ELP2: variants seen among roughly 807,000 people sequenced by gnomAD.
ELP2 encodes elongator complex protein 2.
In ELP2, 90 loss-of-function variants were observed where a neutral mutation model predicts 119.2. That is an observed-to-expected ratio of 0.75 (90% CI 0.64 to 0.90). The LOEUF is 0.90. Ranked by LOEUF, ELP2 falls within the 40% of genes least tolerant of loss-of-function variation. The pLI, the probability that ELP2 is intolerant of heterozygous loss-of-function variation, is 0.00. For missense variants in ELP2, 921 were observed against 967.8 expected, an observed-to-expected ratio of 0.95 and a Z score of 0.64; for synonymous variants, 339 against 331.0, an observed-to-expected ratio of 1.02 and a Z score of -0.26.
At chr18:36,132,832 T>G (rs2089682000) in intron 1 of ELP2, among the ~76,000 whole-genome samples, 1 of 152,132 alleles carries the variant, frequency 6.6e-6, no homozygotes, top group African/African-American at 2.4e-5. Context: ...TTTTTTTTCT[T>G]TTGGTCAGAG....
intron 11 of ELP2, among the ~76,000 whole-genome samples, chr18:36,153,105 T>G (rs1404765460): frequency 6.6e-6 from 1 of 152,238 alleles, no homozygotes; most frequent in Non-Finnish European, 1.5e-5. Context: ...CAGCACCCTC[T>G]TGTACTTTCA....
chr18:36,154,990 C>G lies in ELP2; in HGVS notation c.1266C>G (p.Asp422Glu). ...TRLFAPWKRK[D>E]QSQVTWHEIA... ...TTTTTGCTCCATGGAAGAGAAAAGA[C>G]CAATCACAGGTAAAATGTCTTATTT... The change falls in exon 12 of 22, where the codon GAC becomes GAG. Residue 422 changes from aspartate to glutamate, a missense_variant. Asp to Glu is a conservative substitution (Grantham distance 45). Transcript: ENST00000358232. 1 of 1,612,448 alleles carries G rather than the reference C, an allele frequency of 6.2e-7. No individual in the cohort carries two copies. Among genetic ancestry groups the G allele is most frequent in the Non-Finnish European group, 8.5e-7 (1 of 1,178,494 alleles).
At position 36,174,857 on chromosome 18, in the gene ELP2, G is replaced by C; in HGVS notation, c.*216G>C. 1 of 480,178 alleles carries C rather than the reference G, an allele frequency of 2.1e-6. No homozygotes were observed. The highest frequency in any genetic ancestry group is 2.3e-5 in the South Asian group (1 of 42,892). 29.7% of individuals were successfully genotyped at this position (480,178 alleles called of 1,614,324 possible). A position where few individuals can be genotyped will look rare whatever the true frequency, so the allele number is the denominator to read the frequency against. On this transcript the variant is annotated 3_prime_UTR_variant, in exon 22 of 22. Coordinates refer to ENST00000358232, the MANE Select transcript of ELP2 (RefSeq NM_018255.4). ...GACTAGAGGCACACCACCAATTCCGGCTAATTTTTGTATTTTTAGTAGAGA... is the reference window on the plus strand; with the variant it reads ...GACTAGAGGCACACCACCAATTCCGCCTAATTTTTGTATTTTTAGTAGAGA...
chr18:36,168,768 A>AATCC (rs1203301843), intron 19 of ELP2, among the ~76,000 whole-genome samples: 1 of 152,220 alleles, frequency 6.6e-6, no homozygotes, highest in African/African-American at 2.4e-5. Flanking sequence ...TCTCAGGGAT[A>AATCC]GGTCAGGGAT....
chr18:36,136,475 G>A (rs2089829974), intron 3 of ELP2, 98 bp downstream of exon 3: 1 of 986,760 alleles, frequency 1.0e-6, no homozygotes, highest in African/African-American at 1.6e-5. Flanking sequence ...ACGTGCAGTG[G>A]TGCGATCGTG....
At chr18:36,159,385 T>C (rs1045018988) in intron 14 of ELP2, among the ~76,000 whole-genome samples, 1 of 152,226 alleles carries the variant, frequency 6.6e-6, no homozygotes, top group Non-Finnish European at 1.5e-5. Flanking sequence ...ACTGCTGTTA[T>C]TACAGGTGTG....
intron 1 of ELP2, 132 bp from the exon 2 acceptor site, chr18:36,133,106 A>C: frequency 1.4e-6 from 1 of 695,954 alleles, no homozygotes; most frequent in Non-Finnish European, 2.6e-6. Flanking sequence ...TATAGATTGA[A>C]GAAGGCAAAT....
intron 19 of ELP2, among the ~76,000 whole-genome samples, chr18:36,169,711 AT>A (rs1461795220): frequency 6.6e-6 from 1 of 152,136 alleles, no homozygotes; most frequent in East Asian, 1.9e-4. Flanking sequence ...GTTCTTAAGC[AT>A]TTTGTGGTAG....
chr18:36,133,359 T>C, intron 2 of ELP2, 43 bp downstream of exon 2: 1 of 1,465,470 alleles, frequency 6.8e-7, no homozygotes, highest in South Asian at 1.1e-5. Context: ...AATTGTTTTC[T>C]GATAAAATAA....
intron 2 of ELP2, among the ~76,000 whole-genome samples, chr18:36,133,896 G>GTTTT (rs1567972210): frequency 1.7e-5 from 2 of 114,752 alleles, no homozygotes; most frequent in African/African-American, 7.1e-5. Context: ...GTTTTTTAGG[G>GTTTT]GTTTTTTTTT....
chr18:36,145,572 C>T (rs937767397), intron 9 of ELP2, among the ~76,000 whole-genome samples: 3 of 152,136 alleles, frequency 2.0e-5, no homozygotes, highest in Admixed American at 6.5e-5. Flanking sequence ...ATAATTAATT[C>T]TTAGGCAAAC....
chr18:36,135,173 T>C (rs888847961), intron 2 of ELP2, among the ~76,000 whole-genome samples: 8 of 152,336 alleles, frequency 5.3e-5, no homozygotes, highest in African/African-American at 1.7e-4. Flanking sequence ...CTTGTATGTT[T>C]TATCTTCCGT....
In ELP2 at chr18:36,158,760, C is replaced by T. The variant is rs574593509; in HGVS notation, c.1465-75C>T. On this transcript the variant is annotated intron_variant, in intron 13 of 21. Coordinates refer to ENST00000358232, the MANE Select transcript of ELP2 (RefSeq NM_018255.4). ...GACTTTTTTGTAGTGCCTGAAGTAA[C>T]AGTAACTTTTAGTTTTAAAATTAGC... 9 of 1,072,814 alleles carry T rather than the reference C, an allele frequency of 8.4e-6. No individual in the cohort carries two copies. In the South Asian group the frequency reaches 1.0e-4, roughly 13 times the overall value. 66.5% of individuals were successfully genotyped at this position (1,072,814 alleles called of 1,614,324 possible). A position where few individuals can be genotyped will look rare whatever the true frequency, so the allele number is the denominator to read the frequency against.
chr18:36,164,955 G>T (rs2090851212), intron 18 of ELP2: 1 of 380,864 alleles, frequency 2.6e-6, no homozygotes, highest in South Asian at 2.9e-5. Context: ...AGGAAGTTAG[G>T]TTTTGCAAAT....
chr18:36,132,763 A>G (rs2089679953), intron 1 of ELP2, among the ~76,000 whole-genome samples: 1 of 152,010 alleles, frequency 6.6e-6, no homozygotes, highest in Non-Finnish European at 1.5e-5. Flanking sequence ...GGCCATTGGC[A>G]TGCAAAGTGA....
rs1279465792 is a variant in ELP2, at chr18:36,175,779, G to A, written c.*1138G>A. 6.6e-6 allele frequency: 1 copy of A among 152,106 alleles called. No individual in the cohort carries two copies. The allele number at this position is 152,106 out of a possible 1,614,324, so 9.4% of individuals were successfully genotyped here. ...GTATTGTGAAGGCTGGTGTGAGCAG[G>A]GGACTACTCCAGCCCTGTTGGAACA... On this transcript the variant is annotated 3_prime_UTR_variant, in exon 22 of 22. Transcript: ENST00000358232.
At chr18:36,174,341 AT>A in intron 21 of ELP2, 143 bp from the exon 22 acceptor site, 1 of 799,776 alleles carries the variant, frequency 1.3e-6, no homozygotes, top group East Asian at 2.7e-5. Flanking sequence ...ATAGTAAAAT[AT>A]TTTCCAGGTT....
In ELP2 at chr18:36,174,743, T is replaced by C; in HGVS notation, c.*102T>C. ...TAACTGAATTGAGTTTCTGGGTTTT[T>C]TTTTTTTTTGAGATGGAGTCTTGCT... On this transcript the variant is annotated 3_prime_UTR_variant, in exon 22 of 22. Coordinates refer to ENST00000358232, the MANE Select transcript of ELP2 (RefSeq NM_018255.4). 7.9e-7 allele frequency: 1 copy of C among 1,268,036 alleles called. No individual in the cohort carries two copies. Among genetic ancestry groups the C allele is most frequent in the Non-Finnish European group, 1.1e-6 (1 of 906,138 alleles). The allele number at this position is 1,268,036 out of a possible 1,614,324, so 78.5% of individuals were successfully genotyped here.
rs2091233773 is a variant in ELP2, at chr18:36,176,858, C to G, written c.*2217C>G. 1 of 152,178 alleles carries G rather than the reference C, an allele frequency of 6.6e-6. No individual in the cohort carries two copies. Among genetic ancestry groups the G allele is most frequent in the Non-Finnish European group, 1.5e-5 (1 of 68,034 alleles). The allele number at this position is 152,178 out of a possible 1,614,324, so 9.4% of individuals were successfully genotyped here. ...AAAAGTGGCAGTCCGTGACGCAGCC[C>G]TTGTTACCCCAGGCTATTACTAAAT... On this transcript the variant is annotated 3_prime_UTR_variant, in exon 22 of 22. Coordinates refer to ENST00000358232, the MANE Select transcript of ELP2 (RefSeq NM_018255.4).
Sources: allele counts gnomAD v4.1 joint callset (sites outside exome capture counted in the v4.1 genomes callset), GRCh38; gene constraint gnomAD v4.1.1; transcripts MANE v1.5; gene names NCBI Gene and HGNC (gene_info 2026-07-23, HGNC 2026-07-21).